Variants in SLIT2 observed in about 807,000 individuals in gnomAD.
SLIT2 encodes slit homolog 2 protein.
Under a neutral mutation model 185.7 loss-of-function variants are expected in SLIT2, and 41 were observed. The ratio of observed to expected loss-of-function variants is 0.22; its 90% CI spans 0.17 to 0.29. The LOEUF is 0.29. Among genes scored for constraint, SLIT2 ranks in the 10% least tolerant of loss-of-function variants. The pLI, the probability that SLIT2 is intolerant of heterozygous loss-of-function variation, is 1.00. For synonymous variants in SLIT2, 693 were observed against 680.2 expected, an observed-to-expected ratio of 1.02 and a Z score of -0.29; for missense variants, 1,571 against 1,909.0, an observed-to-expected ratio of 0.82 and a Z score of 3.30.
At chr4:20,568,356 CAA>C (rs1267841554) in intron 28 of SLIT2, among the ~76,000 whole-genome samples, 2 of 151,724 alleles carry the variant, frequency 1.3e-5, no homozygotes, top group Non-Finnish European at 2.9e-5. Flanking sequence ...GTATTTAAGA[CAA>C]AGAGAACATT....
chr4:20,594,362 T>G (rs2148955746), intron 30 of SLIT2, among the ~76,000 whole-genome samples: 1 of 151,846 alleles, frequency 6.6e-6, no homozygotes, highest in African/African-American at 2.4e-5. Flanking sequence ...GCTTTGCAGT[T>G]ATGTGTATAT....
intron 18 of SLIT2, among the ~76,000 whole-genome samples, chr4:20,537,221 A>G (rs756686279): frequency 2.6e-5 from 4 of 152,232 alleles, no homozygotes; most frequent in Non-Finnish European, 5.9e-5. Flanking sequence ...CTATACTTTT[A>G]TACAACTGGC....
At chr4:20,296,927 T>C (rs184590358) in intron 4 of SLIT2, among the ~76,000 whole-genome samples, 1 of 152,330 alleles carries the variant, frequency 6.6e-6, no homozygotes, top group African/African-American at 2.4e-5. Context: ...TCTTCTCTGC[T>C]AATGCAAAGG....
intron 4 of SLIT2, among the ~76,000 whole-genome samples, chr4:20,283,120 G>GCA (rs55949957): frequency 0.097 from 14,480 of 149,888 alleles, 828 homozygotes; most frequent in African/African-American, 0.15. Context: ...GTGCGCGCGC[G>GCA]CACACACACA....
chr4:20,316,381 A>G (rs1718582368), intron 4 of SLIT2, among the ~76,000 whole-genome samples: 1 of 152,036 alleles, frequency 6.6e-6, no homozygotes, highest in African/African-American at 2.4e-5. Context: ...ACCAGAAATT[A>G]TTTCACAGAA....
intron 26 of SLIT2, among the ~76,000 whole-genome samples, chr4:20,557,348 T>C (rs1724349767): frequency 6.6e-6 from 1 of 152,018 alleles, no homozygotes; most frequent in African/African-American, 2.4e-5. Context: ...TGTTAGGGGC[T>C]AAGAAGTTGA....
chr4:20,546,736 C>G (rs1224521980), intron 22 of SLIT2, among the ~76,000 whole-genome samples: 1 of 151,716 alleles, frequency 6.6e-6, no homozygotes, highest in Non-Finnish European at 1.5e-5. Context: ...GTTGTAAATA[C>G]AAGAAGATAT....
chr4:20,372,288 C>T (rs1475744066), intron 4 of SLIT2, among the ~76,000 whole-genome samples: 3 of 151,650 alleles, frequency 2.0e-5, no homozygotes, highest in African/African-American at 7.3e-5. Flanking sequence ...AAGGGCAGAA[C>T]ATGGCTTCAA....
At chr4:20,473,875 A>G (rs1056930867) in intron 5 of SLIT2, among the ~76,000 whole-genome samples, 1 of 152,070 alleles carries the variant, frequency 6.6e-6, no homozygotes, top group East Asian at 1.9e-4. Flanking sequence ...GGTTTGTCAT[A>G]TAAGTTAGGT....
At chr4:20,511,587 A>ATTTTTTTTTTTTTTTTTTTTTT (rs759622666) in intron 11 of SLIT2, among the ~76,000 whole-genome samples, 22 of 82,206 alleles carry the variant, frequency 2.7e-4, no homozygotes, top group South Asian at 4.5e-4. Context: ...CATCCAGCTA[A>ATTTTTTTTTTTTTTTTTTTTTT]TTTTTTTTTT....
At chr4:20,451,332 C>A (rs1023771387) in intron 4 of SLIT2, among the ~76,000 whole-genome samples, 1 of 152,154 alleles carries the variant, frequency 6.6e-6, no homozygotes, top group Non-Finnish European at 1.5e-5. Context: ...TGGAGTTAAT[C>A]GACTGACTTC....
intron 24 of SLIT2, among the ~76,000 whole-genome samples, chr4:20,550,190 C>G (rs1160401755): frequency 6.6e-6 from 1 of 152,036 alleles, no homozygotes; most frequent in Non-Finnish European, 1.5e-5. Context: ...GCGTTCCTGT[C>G]TTAATTTGCA....
At position 20,459,132 on chromosome 4, in the gene SLIT2, GA is replaced by G. The variant is rs1217761527; in HGVS notation, c.396-8609del. On this transcript the variant is annotated intron_variant, in intron 4 of 36. Transcript: ENST00000504154. The stretch of plus-strand genomic sequence containing the variant: ...AAGTTCCTGAGGGTTTCCAGTGGGA[GA>G]AAAAAAAAAACAGTTTTGGTGTAGG... Among the ~76,000 whole-genome samples the G allele has an allele frequency of 4.6e-3, 620 of 135,482 alleles. 1 individual carries two copies. Among genetic ancestry groups the G allele is most frequent in the Admixed American group, 0.019 (258 of 13,564 alleles). 88.9% of individuals were successfully genotyped at this position (135,482 alleles called of 152,430 possible).
chr4:20,339,584 T>G (rs1452039870), intron 4 of SLIT2, among the ~76,000 whole-genome samples: 1 of 152,194 alleles, frequency 6.6e-6, no homozygotes. Flanking sequence ...CCAGAAGGGA[T>G]GGCAACAAGC....
chr4:20,390,413 A>T lies in SLIT2; in HGVS notation c.396-77339A>T, dbSNP rs377438621. On this transcript the variant is annotated intron_variant, in intron 4 of 36. Transcript: ENST00000504154. ...CAAGACTGATGCTTTGCAGTGGATG[A>T]TAGGAAAAATAATACAGAGATAACA... Among the ~76,000 whole-genome samples, 153 of 152,234 alleles carry T rather than the reference A, an allele frequency of 1.0e-3. 2 individuals carry two copies. The South Asian group carries it at 0.027, about 27-fold the overall frequency.
At chr4:20,357,809 T>C (rs1421701643) in intron 4 of SLIT2, among the ~76,000 whole-genome samples, 1 of 152,172 alleles carries the variant, frequency 6.6e-6, no homozygotes, top group Non-Finnish European at 1.5e-5. Context: ...GAAATCTTAA[T>C]TGTACAATAT....
chr4:20,537,372 C>G (rs1722391359), intron 18 of SLIT2, among the ~76,000 whole-genome samples: 1 of 138,770 alleles, frequency 7.2e-6, no homozygotes, highest in Non-Finnish European at 1.6e-5. Flanking sequence ...TTTTGTATAG[C>G]TCTGCTTGAC....
intron 4 of SLIT2, among the ~76,000 whole-genome samples, chr4:20,361,543 A>G (rs992169884): frequency 2.0e-5 from 3 of 152,164 alleles, no homozygotes; most frequent in African/African-American, 7.2e-5. Context: ...CATTAAATAT[A>G]GGCAGGTGCA....
chr4:20,470,446 G>A (rs1457415545), intron 5 of SLIT2, among the ~76,000 whole-genome samples: 2 of 150,206 alleles, frequency 1.3e-5, no homozygotes, highest in East Asian at 2.0e-4. Flanking sequence ...ATCAGGGAAT[G>A]GTTAGATTGG....
Sources: allele counts gnomAD v4.1 joint callset (sites outside exome capture counted in the v4.1 genomes callset), GRCh38; gene constraint gnomAD v4.1.1; transcripts MANE v1.5; gene names NCBI Gene and HGNC (gene_info 2026-07-23, HGNC 2026-07-21).